TYR: variants seen among roughly 807,000 people sequenced by gnomAD.
The protein encoded by TYR is tyrosinase.
Under a neutral mutation model 51.5 loss-of-function variants are expected in TYR, and 58 were observed. That is an observed-to-expected ratio of 1.13 (90% confidence interval 0.91 to 1.40). The LOEUF is 1.40. Among genes scored for constraint, TYR ranks in the 40% most tolerant of loss-of-function variants. The pLI is 0.00. For synonymous variants in TYR, 263 were observed against 235.2 expected (o/e 1.12, Z -1.08); for missense variants, 732 against 647.4 (o/e 1.13, Z -1.42).
At chr11:89,188,928 A>G (rs573359406) in intron 1 of TYR, among the ~76,000 whole-genome samples, 14 of 152,182 alleles carry the variant, frequency 9.2e-5, no homozygotes, top group African/African-American at 3.1e-4. Flanking sequence ...CTCAGTAGGA[A>G]ATAGATACCC....
chr11:89,265,425 G>A (rs1294369736), intron 3 of TYR, among the ~76,000 whole-genome samples: 2 of 151,982 alleles, frequency 1.3e-5, no homozygotes, highest in Admixed American at 1.3e-4. Flanking sequence ...TGTCTTCATA[G>A]CTCCTATTAC....
chr11:89,193,725 T>C (rs925138871), intron 2 of TYR, among the ~76,000 whole-genome samples: 11 of 152,288 alleles, frequency 7.2e-5, no homozygotes, highest in African/African-American at 2.6e-4. Context: ...AGAACTTTTC[T>C]TTACCAGGTA....
intron 2 of TYR, among the ~76,000 whole-genome samples, chr11:89,206,038 T>G (rs1356073212): frequency 2.0e-5 from 3 of 151,692 alleles, no homozygotes. Flanking sequence ...TTCAAAAAAC[T>G]TGATAAATAA....
At chr11:89,277,709 T>C (rs1944672664) in intron 3 of TYR, among the ~76,000 whole-genome samples, 1 of 151,700 alleles carries the variant, frequency 6.6e-6, no homozygotes. Flanking sequence ...CTCAGTAGCA[T>C]AAGCCAGAAA....
At chr11:89,264,735 C>CAA (rs11453031) in intron 3 of TYR, among the ~76,000 whole-genome samples, 3,417 of 135,308 alleles carry the variant, frequency 0.025, 101 homozygotes, top group African/African-American at 0.067. Flanking sequence ...ACTATGCAGC[C>CAA]AAAAAAAAAA....
chr11:89,201,227 GA>G (rs60952897), intron 2 of TYR, among the ~76,000 whole-genome samples: 4,351 of 151,120 alleles, frequency 0.029, 210 homozygotes, highest in African/African-American at 0.096. Context: ...TGGCAAAAAA[GA>G]AAAAAAATAC....
intron 2 of TYR, among the ~76,000 whole-genome samples, chr11:89,217,856 G>A (rs1158572181): frequency 6.6e-6 from 1 of 151,950 alleles, no homozygotes; most frequent in Non-Finnish European, 1.5e-5. Flanking sequence ...TCTACTACAT[G>A]GAAAAAGATC....
At chr11:89,265,814 A>G (rs566276528) in intron 3 of TYR, among the ~76,000 whole-genome samples, 1 of 152,168 alleles carries the variant, frequency 6.6e-6, no homozygotes, top group African/African-American at 2.4e-5. Context: ...TTAACTCCAG[A>G]TCGAATGATG....
At chr11:89,201,194 C>T (rs954574170) in intron 2 of TYR, among the ~76,000 whole-genome samples, 1 of 151,712 alleles carries the variant, frequency 6.6e-6, no homozygotes, top group East Asian at 1.9e-4. Context: ...TAAATTTTTG[C>T]TTGAAAACTC....
chr11:89,220,743 C>G (rs755856058), intron 2 of TYR, among the ~76,000 whole-genome samples: 2 of 151,788 alleles, frequency 1.3e-5, no homozygotes, highest in African/African-American at 2.4e-5. Flanking sequence ...GCAACAAGAG[C>G]GAAACTCCGT....
intron 2 of TYR, among the ~76,000 whole-genome samples, chr11:89,194,242 T>A (rs1327170586): frequency 6.6e-6 from 1 of 151,850 alleles, no homozygotes; most frequent in African/African-American, 2.4e-5. Flanking sequence ...TTCCTCCTCA[T>A]TTTTTTAATA....
intron 2 of TYR, among the ~76,000 whole-genome samples, chr11:89,216,795 C>CTCT (rs1943838480): frequency 6.6e-6 from 1 of 152,036 alleles, no homozygotes; most frequent in Admixed American, 6.6e-5. Flanking sequence ...CAGCTTCCAT[C>CTCT]TCTTGATCTT....
At chr11:89,194,231 C>A (rs1943486126) in intron 2 of TYR, among the ~76,000 whole-genome samples, 1 of 152,088 alleles carries the variant, frequency 6.6e-6, no homozygotes, top group Non-Finnish European at 1.5e-5. Flanking sequence ...AGTTCCTCCT[C>A]TTCCTCCTCA....
intron 3 of TYR, among the ~76,000 whole-genome samples, chr11:89,276,855 A>T (rs759910491): frequency 7.9e-5 from 12 of 151,826 alleles, no homozygotes; most frequent in Non-Finnish European, 1.6e-4. Flanking sequence ...TATTAGTAAC[A>T]GAGTGGTAGC....
At chr11:89,251,644 T>C (rs1015997656) in intron 3 of TYR, among the ~76,000 whole-genome samples, 4 of 151,882 alleles carry the variant, frequency 2.6e-5, no homozygotes, top group African/African-American at 9.7e-5. Flanking sequence ...GTTTCTGTTT[T>C]TTTAGAAAAA....
chr11:89,200,684 T>G (rs1272184257), intron 2 of TYR: 1 of 152,134 alleles, frequency 6.6e-6, no homozygotes, highest in Non-Finnish European at 1.5e-5. Flanking sequence ...TGAGATTACT[T>G]TATATTTTTT....
At chr11:89,205,732 A>G (rs1943663757) in intron 2 of TYR, among the ~76,000 whole-genome samples, 2 of 152,144 alleles carry the variant, frequency 1.3e-5, no homozygotes, top group African/African-American at 2.4e-5. Flanking sequence ...CCCTGAAAAA[A>G]AAATGGTTAA....
chr11:89,239,607 T>G (rs1944165216), intron 3 of TYR, among the ~76,000 whole-genome samples: 1 of 152,112 alleles, frequency 6.6e-6, no homozygotes, highest in Admixed American at 6.6e-5. Flanking sequence ...GTTTGACCTT[T>G]ATTTTCAGTT....
chr11:89,202,711 C>T (rs1343976504), intron 2 of TYR, among the ~76,000 whole-genome samples: 1 of 151,190 alleles, frequency 6.6e-6, no homozygotes, highest in African/African-American at 2.4e-5. Flanking sequence ...TTTTTATGAT[C>T]AGGCATACAG....
Sources: gnomAD v4.1 joint callset for allele counts (sites outside exome capture counted in the v4.1 genomes callset) on GRCh38, gnomAD v4.1.1 for gene constraint, MANE v1.5 for transcripts, NCBI Gene and HGNC (gene_info 2026-07-23, HGNC 2026-07-21) for gene names.